The following ITPR1 variants were observed in gnomAD, a reference collection of about 807,000 sequenced individuals.
ITPR1 encodes inositol 1,4,5-trisphosphate-gated calcium channel ITPR1.
Under a neutral mutation model 318.4 loss-of-function variants are expected in ITPR1, and 96 were observed. The ratio of observed to expected loss-of-function variants is 0.30; its 90% CI spans 0.26 to 0.36. The LOEUF (loss-of-function observed/expected upper bound fraction) is 0.36. ITPR1 is among the 10% of genes least tolerant of loss of function. The pLI is 1.00. For synonymous variants in ITPR1, 1,312 were observed against 1,289.9 expected (o/e 1.02, Z -0.37); for missense variants, 2,440 against 3,460.2 (o/e 0.71, Z 7.40).
rs183071409 is a variant in ITPR1, at chr3:4,566,020, G to A, written c.163+44926G>A. Among the ~76,000 whole-genome samples, 211 of 152,244 alleles carry A rather than the reference G, an allele frequency of 1.4e-3. 1 individual carries two copies. The highest frequency in any genetic ancestry group is 2.2e-3 in the Non-Finnish European group (151 of 68,012). ...ATCTGAGTGGCGTAATGCTGGCCCC[G>A]TCTTGCTCATTGATTTTCCTGGTAG... On this transcript the variant is annotated intron_variant, in intron 4 of 61. Transcript: ENST00000649015.
At chr3:4,557,631 A>G (rs914274285) in intron 4 of ITPR1, among the ~76,000 whole-genome samples, 2 of 152,204 alleles carry the variant, frequency 1.3e-5, no homozygotes, top group Non-Finnish European at 2.9e-5. Flanking sequence ...GTGGCTTTCA[A>G]GCTTCAAGGA....
At position 4,619,239 on chromosome 3, in the gene ITPR1, G is replaced by A. The variant is rs1044142099; in HGVS notation, c.164-8524G>A. 3.3e-5 allele frequency among the ~76,000 whole-genome samples: 5 copies of A among 152,194 alleles called. No individual in the cohort carries two copies. The East Asian group carries it at 7.7e-4, about 23-fold the overall frequency. ...TGAAATTTTGCAATGACATGTATGG[G>A]TCTGTATTTTCTTATGCTGGGGAAT... On this transcript the variant is annotated intron_variant, in intron 4 of 61. Coordinates refer to ENST00000649015, the MANE Select transcript of ITPR1 (RefSeq NM_001378452.1).
At chr3:4,814,611 G>GTTGGCCAATGGGGGGGGGGGGGGGGGT in intron 58 of ITPR1, 49 bp downstream of exon 58, 1 of 707,948 alleles carries the variant, frequency 1.4e-6, no homozygotes, top group Non-Finnish European at 2.4e-6. Flanking sequence ...GGGTGGGGTG[G>GTTGGCCAATGGGGGGGGGGGGGGGGGT]TTGGTGGGAG....
intron 52 of ITPR1, 51 bp downstream of exon 52, chr3:4,788,190 T>G: frequency 6.8e-7 from 1 of 1,464,726 alleles, no homozygotes; most frequent in Non-Finnish European, 9.4e-7. Flanking sequence ...TTCTGGGATT[T>G]CACAAACTTG....
At chr3:4,751,692 C>G (rs2044535619) in intron 44 of ITPR1, 1 of 152,206 alleles carries the variant, frequency 6.6e-6, no homozygotes, top group Admixed American at 6.5e-5. Flanking sequence ...TCCCCGGATT[C>G]CAGACCAAGT....
intron 49 of ITPR1, among the ~76,000 whole-genome samples, chr3:4,781,371 G>C (rs2046827376): frequency 6.6e-6 from 1 of 152,210 alleles, no homozygotes; most frequent in South Asian, 2.1e-4. Flanking sequence ...TGAATGATGT[G>C]TTCATTTGAT....
At chr3:4,795,227 G>T (rs368443028) in intron 53 of ITPR1, 40 bp downstream of exon 53, 45 of 1,597,546 alleles carry the variant, frequency 2.8e-5, no homozygotes, top group African/African-American at 4.0e-5. Context: ...ATTAGAAGCA[G>T]CAGGAAGGCT....
At chr3:4,761,721 A>G (rs911230656) in intron 44 of ITPR1, among the ~76,000 whole-genome samples, 1 of 152,160 alleles carries the variant, frequency 6.6e-6, no homozygotes, top group African/African-American at 2.4e-5. Context: ...AGAGGGAGGC[A>G]GTGTAGCGGG....
chr3:4,830,049 C>T (rs2106529032), intron 60 of ITPR1, among the ~76,000 whole-genome samples: 1 of 140,926 alleles, frequency 7.1e-6, no homozygotes, highest in African/African-American at 2.6e-5. Context: ...TCTCGGCTCA[C>T]TGCAACCTCT....
At position 4,727,173 on chromosome 3, in the gene ITPR1, G is replaced by C. The variant is rs1431716323; in HGVS notation, c.5220G>C (p.Arg1740Ser). The C allele has an allele frequency of 1.3e-6, 2 of 1,592,696 alleles. No individual in the cohort carries two copies. The highest frequency in any genetic ancestry group is 2.2e-5 in the East Asian group (1 of 44,706). ...TGCGGCAGCTGGAAGACCATAAAAGGGTACGTAGTCTTGAGTCTTGGGTAT... is the reference window on the plus strand; with the variant it reads ...TGCGGCAGCTGGAAGACCATAAAAGCGTACGTAGTCTTGAGTCTTGGGTAT... ...PPLRQLEDHK[R>S]GEALRQVLVN... is the part of the protein sequence containing the mutation. Residue 1740 changes from arginine (R) to serine (S), a missense_variant and splice_region_variant, in exon 42 of 62, where the codon AGG becomes AGC. Around this residue, in one of 23 missense-constraint regions of ITPR1, gnomAD observed 166 missense variants for 143.7 expected, o/e 1.16. Coordinates refer to ENST00000649015, the MANE Select transcript of ITPR1 (RefSeq NM_001378452.1).
intron 5 of ITPR1, among the ~76,000 whole-genome samples, chr3:4,635,633 C>T (rs2093165996): frequency 6.6e-6 from 1 of 152,112 alleles, no homozygotes; most frequent in Non-Finnish European, 1.5e-5. Flanking sequence ...GCATGAGCCA[C>T]TGCGCCCAGC....
intron 2 of ITPR1, among the ~76,000 whole-genome samples, chr3:4,497,648 G>A (rs1324375586): frequency 1.3e-5 from 2 of 152,122 alleles, no homozygotes; most frequent in Admixed American, 6.5e-5. Context: ...AAACAGCATG[G>A]CAGTTACTAA....
chr3:4,561,430 T>G (rs1019090646), intron 4 of ITPR1, among the ~76,000 whole-genome samples: 4 of 152,224 alleles, frequency 2.6e-5, no homozygotes, highest in African/African-American at 9.6e-5. Context: ...TCCAGCTTTT[T>G]TCTTTGGCAG....
Position 4,675,232 on chromosome 3 carries a change from T to A in ITPR1, c.2763T>A (p.Asp921Glu). 1 of 1,610,172 alleles carries A rather than the reference T, an allele frequency of 6.2e-7. No homozygotes were observed. The highest frequency in any genetic ancestry group is 8.5e-7 in the Non-Finnish European group (1 of 1,178,724). The change falls in exon 23 of 62, where the codon GAT (aspartate) becomes GAA (glutamate). Residue 921 changes from aspartate (D) to glutamate (E), a missense_variant. Asp to Glu is a conservative substitution (Grantham distance 45). Coordinates refer to ENST00000649015, the MANE Select transcript of ITPR1 (RefSeq NM_001378452.1). ...AKGEENKGNN[D>E]VEKLKSSNVM... ...GAGAAGAGAATAAAGGTAACAATGA[T>A]GTGGAGAAGCTGAAGAGTGAGTATC...
At chr3:4,505,181 C>G (rs944456019) in intron 2 of ITPR1, among the ~76,000 whole-genome samples, 2 of 152,134 alleles carry the variant, frequency 1.3e-5, no homozygotes, top group East Asian at 3.9e-4. Context: ...TGCTGCCTAA[C>G]TTTAAAGGAA....
At chr3:4,660,190 T>C (rs1345432750) in intron 13 of ITPR1, among the ~76,000 whole-genome samples, 2 of 152,224 alleles carry the variant, frequency 1.3e-5, no homozygotes, top group Admixed American at 6.5e-5. Context: ...TAAAATGATA[T>C]TGTTTTAACT....
intron 4 of ITPR1, among the ~76,000 whole-genome samples, chr3:4,533,577 G>C (rs887301156): frequency 2.0e-5 from 3 of 152,216 alleles, no homozygotes; most frequent in South Asian, 2.1e-4. Flanking sequence ...AGCAGCTTTC[G>C]GGACATCTCT....
chr3:4,754,951 A>T (rs1298993124), intron 44 of ITPR1, among the ~76,000 whole-genome samples: 2 of 152,180 alleles, frequency 1.3e-5, no homozygotes, highest in Admixed American at 6.5e-5. Flanking sequence ...GTGTATCCCC[A>T]CAAAAGATAC....
intron 53 of ITPR1, among the ~76,000 whole-genome samples, chr3:4,797,694 T>C (rs2047983931): frequency 2.0e-5 from 3 of 152,238 alleles, no homozygotes; most frequent in Admixed American, 2.0e-4. Context: ...AATTGTCAAA[T>C]ATACACACAA....
Sources: gnomAD v4.1 joint callset for allele counts (sites outside exome capture counted in the v4.1 genomes callset) on GRCh38, gnomAD v4.1.1 for gene constraint, gnomAD v4.1.1 regional missense constraint, MANE v1.5 for transcripts, NCBI Gene and HGNC (gene_info 2026-07-23, HGNC 2026-07-21) for gene names.